NRIP1: variants seen among roughly 807,000 people sequenced by gnomAD.
NRIP1 encodes nuclear receptor-interacting protein 1.
In NRIP1, 28 loss-of-function variants were observed where a neutral mutation model predicts 75.0. That is an observed-to-expected ratio of 0.37 (90% CI 0.28 to 0.51). The LOEUF is 0.51. Ranked by LOEUF, NRIP1 falls within the 20% of genes least tolerant of loss-of-function variation. The pLI is 0.92. For synonymous variants in NRIP1, 526 were observed against 487.6 expected (o/e 1.08, Z -1.04); for missense variants, 1,435 against 1,343.7 (o/e 1.07, Z -1.06).
chr21:15,014,185 T>G (rs538297762), intron 3 of NRIP1, among the ~76,000 whole-genome samples, 159 bp downstream of exon 3: 1 of 152,334 alleles, frequency 6.6e-6, no homozygotes, highest in South Asian at 2.1e-4. Flanking sequence ...AGCTCTTTCA[T>G]TTTTTAAACC....
At chr21:15,057,629 A>G (rs1015299727) in intron 1 of NRIP1, among the ~76,000 whole-genome samples, 3 of 152,220 alleles carry the variant, frequency 2.0e-5, no homozygotes, top group African/African-American at 7.2e-5. Flanking sequence ...GTTGGGAGCA[A>G]GGTTTTTTAA....
At chr21:14,997,512 T>C (rs1356704645) in intron 3 of NRIP1, among the ~76,000 whole-genome samples, 1 of 151,610 alleles carries the variant, frequency 6.6e-6, no homozygotes, top group African/African-American at 2.4e-5. Flanking sequence ...AATTAATAGG[T>C]AAAAAATAGA....
In NRIP1 at chr21:14,965,838, A is replaced by T. The variant is rs765605103; in HGVS notation, c.2355T>A (p.Ala785=). ...DAKSAPFLGM[A]PAVQRSAPAL... Reference sequence around the variant, plus strand: ...CAGGTGCGCTTCTCTGCACAGCAGGAGCCATACCCAAGAATGGGGCACTCT... The same window carrying T: ...CAGGTGCGCTTCTCTGCACAGCAGGTGCCATACCCAAGAATGGGGCACTCT... Residue 785 remains alanine (A), a synonymous_variant, in exon 4 of 4, where the codon GCT becomes GCA. Coordinates refer to ENST00000318948, the MANE Select transcript of NRIP1 (RefSeq NM_003489.4). 3 of 1,613,902 alleles carry T rather than the reference A, an allele frequency of 1.9e-6. No homozygotes were observed. In the African/African-American group the frequency reaches 4.0e-5, roughly 22 times the overall value.
chr21:14,967,159 A>G lies in NRIP1; in HGVS notation c.1034T>C (p.Val345Ala). ...AATGATACCCATTGGATTTTGAAAC[A>G]CTGTAGCACTACTTTTGCTAGCCAT... ...KLMASKSSAT[V>A]FQNPMGIIPS... is the part of the protein sequence containing the mutation. Residue 345 changes from valine (V) to alanine (A), a missense_variant, in exon 4 of 4, where the codon GTG becomes GCG. By Grantham distance (64) the Val-to-Ala change is moderately conservative (BLOSUM62 0). Coordinates refer to ENST00000318948, the MANE Select transcript of NRIP1 (RefSeq NM_003489.4). The G allele has an allele frequency of 6.2e-7, 1 of 1,614,112 alleles. No individual in the cohort carries two copies. Among genetic ancestry groups the G allele is most frequent in the Non-Finnish European group, 8.5e-7 (1 of 1,180,004 alleles).
chr21:14,968,455 T>C lies in NRIP1; in HGVS notation c.-263A>G, dbSNP rs2086820920. The C allele has an allele frequency of 2.8e-6, 1 of 359,720 alleles. No individual in the cohort carries two copies. The highest frequency in any genetic ancestry group is 5.3e-6 in the Non-Finnish European group (1 of 190,256). The allele number at this position is 359,720 out of a possible 1,614,324, so 22.3% of individuals were successfully genotyped here. Reference sequence around the variant, plus strand: ...ACATAGGTCTGTAGCAGTAAGCAGATAGAATCCTTAGTGAATATATTCCTT... The same window carrying C: ...ACATAGGTCTGTAGCAGTAAGCAGACAGAATCCTTAGTGAATATATTCCTT... On this transcript the variant is annotated 5_prime_UTR_variant, in exon 4 of 4. Coordinates refer to ENST00000318948, the MANE Select transcript of NRIP1 (RefSeq NM_003489.4).
rs1449017220 is a variant in NRIP1 at position 14,964,397 on chromosome 21, C to T, written c.*319G>A. Reference sequence around the variant, plus strand: ...ATAAAGGCAGCAAAATGCATTAATCCACTATGAATGGAGTTTTACATTTTA... The same window carrying T: ...ATAAAGGCAGCAAAATGCATTAATCTACTATGAATGGAGTTTTACATTTTA... On this transcript the variant is annotated 3_prime_UTR_variant, in exon 4 of 4. Transcript: ENST00000318948. 7.3e-5 allele frequency: 14 copies of T among 190,888 alleles called. No individual in the cohort carries two copies. The highest frequency in any genetic ancestry group is 1.2e-4 in the Non-Finnish European group (11 of 93,702). 11.8% of individuals were successfully genotyped at this position (190,888 alleles called of 1,614,324 possible).
chr21:15,058,045 T>G (rs2089343711), intron 1 of NRIP1, among the ~76,000 whole-genome samples: 1 of 152,176 alleles, frequency 6.6e-6, no homozygotes, highest in South Asian at 2.1e-4. Flanking sequence ...CTTTACTGTT[T>G]ACTGTCAACA....
In NRIP1 at chr21:14,962,052, ACT is replaced by A. The variant is rs2086607607; in HGVS notation, c.*2662_*2663del. On this transcript the variant is annotated 3_prime_UTR_variant, in exon 4 of 4. Coordinates refer to ENST00000318948, the MANE Select transcript of NRIP1 (RefSeq NM_003489.4). The stretch of plus-strand genomic sequence containing the variant: ...ATATATATATATATATAAAATATAT[ACT>A]CTCACCAGTTTACTCTTCTGTAAGA... 6.8e-6 allele frequency: 1 copy of A among 146,898 alleles called. No homozygotes were observed. Among genetic ancestry groups the A allele is most frequent in the Non-Finnish European group, 1.5e-5 (1 of 66,796 alleles). 9.1% of individuals were successfully genotyped at this position (146,898 alleles called of 1,614,324 possible). A position where few individuals can be genotyped will look rare whatever the true frequency, so the allele number is the denominator to read the frequency against.
In NRIP1 at chr21:14,962,516, C is replaced by A. The variant is rs1180442258; in HGVS notation, c.*2200G>T. ...TCTCTTGTAAAAAGGTCATTTCCCC[C>A]TACCCAAGGGAGAATACCAACATAT... On this transcript the variant is annotated 3_prime_UTR_variant, in exon 4 of 4. Coordinates refer to ENST00000318948, the MANE Select transcript of NRIP1 (RefSeq NM_003489.4). 6.6e-6 allele frequency: 1 copy of A among 152,410 alleles called. No individual in the cohort carries two copies. Among genetic ancestry groups the A allele is most frequent in the Admixed American group, 6.6e-5 (1 of 15,226 alleles). The allele number at this position is 152,410 out of a possible 1,614,324, so 9.4% of individuals were successfully genotyped here.
At chr21:15,007,262 A>G (rs937914093) in intron 3 of NRIP1, among the ~76,000 whole-genome samples, 2 of 152,216 alleles carry the variant, frequency 1.3e-5, no homozygotes, top group African/African-American at 4.8e-5. Flanking sequence ...GAAACTGTAG[A>G]TCAGTTAGTG....
chr21:15,037,576 T>G lies in NRIP1; in HGVS notation c.-458+5919A>C, dbSNP rs145600454. On this transcript the variant is annotated intron_variant, in intron 2 of 3. Transcript: ENST00000318948. ...GCATTCATCAACCACTAGGAGAAAG[T>G]AGATGGGAGCACATGTTCCCTTCTG... Among the ~76,000 whole-genome samples the G allele has an allele frequency of 6.3e-3, 956 of 152,274 alleles. 7 individuals are homozygous for G. Among genetic ancestry groups the G allele is most frequent in the African/African-American group, 0.021 (893 of 41,570 alleles).
At chr21:15,022,301 G>A (rs932468697) in intron 2 of NRIP1, among the ~76,000 whole-genome samples, 2 of 152,186 alleles carry the variant, frequency 1.3e-5, no homozygotes, top group Non-Finnish European at 2.9e-5. Context: ...ACCAAGCACT[G>A]TATGTTGTCA....
At position 14,965,550 on chromosome 21, in the gene NRIP1, T is replaced by C; in HGVS notation, c.2643A>G (p.Ala881=). The change falls in exon 4 of 4, where the codon GCA becomes GCG. Residue 881 remains alanine (A), a synonymous_variant. Coordinates refer to ENST00000318948, the MANE Select transcript of NRIP1 (RefSeq NM_003489.4). ...GTACTTCTGGGGCACTGTGATTGTT[T>C]GCAGCATCAACAATGTTGTTTTTCA... The part of the protein sequence containing the change: ...KKMKNNIVDA[A]NNHSAPEVLY... 6.2e-7 allele frequency: 1 copy of C among 1,614,086 alleles called. No homozygotes were observed. Among genetic ancestry groups the C allele is most frequent in the South Asian group, 1.1e-5 (1 of 91,082 alleles).
At chr21:15,046,884 C>G (rs931627997) in intron 1 of NRIP1, among the ~76,000 whole-genome samples, 2 of 152,156 alleles carry the variant, frequency 1.3e-5, no homozygotes, top group Non-Finnish European at 1.5e-5. Flanking sequence ...TAGCTTCCAA[C>G]TTTTCTTCTG....
chr21:15,048,089 C>T (rs2089125575), intron 1 of NRIP1, among the ~76,000 whole-genome samples: 1 of 152,130 alleles, frequency 6.6e-6, no homozygotes, highest in Non-Finnish European at 1.5e-5. Flanking sequence ...AACAAGTTCG[C>T]CGGCTGATAT....
At position 14,966,891 on chromosome 21, in the gene NRIP1, A is replaced by C; in HGVS notation, c.1302T>G (p.Ser434=). 1.2e-6 allele frequency: 2 copies of C among 1,614,144 alleles called. No homozygotes were observed. The highest frequency in any genetic ancestry group is 1.7e-6 in the Non-Finnish European group (2 of 1,180,008). Residue 434 remains serine, a synonymous_variant, in exon 4 of 4, where the codon TCT becomes TCG. Transcript: ENST00000318948. ...FTDDSSGDES[S]YSNCVPIDLS... is the part of the protein sequence containing the mutation. Reference sequence around the variant, plus strand: ...AGTCTATGGGAACACAGTTGGAATAAGAACTTTCATCACCACTGCTGTCAT... The same window carrying C: ...AGTCTATGGGAACACAGTTGGAATACGAACTTTCATCACCACTGCTGTCAT...
In NRIP1 at chr21:15,045,443, G is replaced by A. The variant is rs556987348; in HGVS notation, c.-537-1869C>T. Among the ~76,000 whole-genome samples, 13 of 152,248 alleles carry A rather than the reference G, an allele frequency of 8.5e-5. 1 individual carries two copies. Among genetic ancestry groups the A allele is most frequent in the Admixed American group, 3.3e-4 (5 of 15,300 alleles). Reference sequence around the variant, plus strand: ...ATTAAGTGTGCAAAAGCTTTATGTCGAAACAATGTACATACCTTAGTATAA... The same window carrying A: ...ATTAAGTGTGCAAAAGCTTTATGTCAAAACAATGTACATACCTTAGTATAA... On this transcript the variant is annotated intron_variant, in intron 1 of 3. Transcript: ENST00000318948.
chr21:14,974,333 G>T (rs1243578180), intron 3 of NRIP1: 2 of 152,080 alleles, frequency 1.3e-5, no homozygotes, highest in Non-Finnish European at 2.9e-5. Flanking sequence ...TGTTTAAAAG[G>T]ACTCTTGGGT....
At chr21:14,987,019 C>T (rs948167102) in intron 3 of NRIP1, among the ~76,000 whole-genome samples, 1 of 152,164 alleles carries the variant, frequency 6.6e-6, no homozygotes, top group African/African-American at 2.4e-5. Flanking sequence ...CTGTCTGATG[C>T]TTAATCCCCT....
Sources: gnomAD v4.1 joint callset for allele counts (sites outside exome capture counted in the v4.1 genomes callset) on GRCh38, gnomAD v4.1.1 for gene constraint, MANE v1.5 for transcripts, NCBI Gene and HGNC (gene_info 2026-07-23, HGNC 2026-07-21) for gene names.